Variants in LRCH1 observed in about 807,000 individuals in gnomAD.
LRCH1 encodes the protein leucine-rich repeat and calponin homology domain-containing protein 1.
LRCH1 carries 23 observed loss-of-function variants against 94.9 expected under a neutral mutation model. That is an observed-to-expected ratio of 0.24 (90% CI 0.17 to 0.34). The LOEUF (loss-of-function observed/expected upper bound fraction) is 0.34, where lower values mean the gene tolerates loss of function less well. Among genes scored for constraint, LRCH1 ranks in the 10% least tolerant of loss-of-function variants. The probability of loss-of-function intolerance (pLI) is 1.00; values close to 1 mark genes in which losing one functional copy is unlikely to be tolerated. For synonymous variants in LRCH1, 364 were observed against 354.9 expected (o/e 1.03, Z -0.29); for missense variants, 790 against 945.9 (o/e 0.84, Z 2.16).
chr13:46,664,456 T>TG (rs1231810972), intron 2 of LRCH1, among the ~76,000 whole-genome samples: 2 of 152,224 alleles, frequency 1.3e-5, no homozygotes, highest in African/African-American at 4.8e-5. Context: ...CACAGTTGCC[T>TG]ACAGTATTCA....
intron 1 of LRCH1, among the ~76,000 whole-genome samples, chr13:46,611,595 A>G (rs915023327): frequency 1.6e-4 from 25 of 152,358 alleles, no homozygotes; most frequent in Admixed American, 7.2e-4. Flanking sequence ...TTTCATCTCT[A>G]AAGTTTATGA....
At chr13:46,726,001 A>G (rs1358948956) in intron 17 of LRCH1, among the ~76,000 whole-genome samples, 1 of 152,254 alleles carries the variant, frequency 6.6e-6, no homozygotes, top group Non-Finnish European at 1.5e-5. Flanking sequence ...TTGTCCACAC[A>G]CAGGACAGTT....
At chr13:46,605,039 G>A (rs762832977) in intron 1 of LRCH1, among the ~76,000 whole-genome samples, 8 of 152,294 alleles carry the variant, frequency 5.3e-5, no homozygotes, top group Middle Eastern at 3.4e-3. Context: ...TAAAGAAATT[G>A]ACCCATTAAT....
At chr13:46,657,429 T>G (rs938563627) in intron 2 of LRCH1, among the ~76,000 whole-genome samples, 8 of 148,834 alleles carry the variant, frequency 5.4e-5, no homozygotes, top group Non-Finnish European at 4.5e-5. Context: ...AAGGTGTGGA[T>G]TTTGGGGATC....
chr13:46,562,460 T>C (rs973605621), intron 1 of LRCH1, among the ~76,000 whole-genome samples: 54 of 152,282 alleles, frequency 3.5e-4, no homozygotes, highest in African/African-American at 1.3e-3. Context: ...AAATCCTTGT[T>C]GTCCCTTCCT....
At position 46,692,386 on chromosome 13, in the gene LRCH1, T is replaced by A. The variant is rs536029706; in HGVS notation, c.1015-150T>A. On this transcript the variant is annotated intron_variant, in intron 7 of 19. Transcript: ENST00000389797. Reference sequence around the variant, plus strand: ...GGATTAGTTTTGCATTTTTTGAACTTACATAAGTGGAATTGACCTTTGTAT... The same window carrying A: ...GGATTAGTTTTGCATTTTTTGAACTAACATAAGTGGAATTGACCTTTGTAT... 1.7e-4 allele frequency: 97 copies of A among 569,104 alleles called. 1 individual carries two copies. The highest frequency in any genetic ancestry group is 1.3e-4 in the Admixed American group (4 of 31,514). The allele number at this position is 569,104 out of a possible 1,614,324, so 35.3% of individuals were successfully genotyped here.
intron 3 of LRCH1, among the ~76,000 whole-genome samples, chr13:46,677,147 C>T (rs9562676): frequency 0.5 from 75,241 of 151,634 alleles, 19,400 homozygotes; most frequent in Middle Eastern, 0.59. Context: ...CGGTGGCTCA[C>T]GCCTGTAATT....
chr13:46,568,009 G>C (rs1196493270), intron 1 of LRCH1, among the ~76,000 whole-genome samples: 1 of 152,144 alleles, frequency 6.6e-6, no homozygotes, highest in Non-Finnish European at 1.5e-5. Flanking sequence ...GTGCTTTCTT[G>C]TGTTTCTGTG....
chr13:46,713,632 G>T lies in LRCH1; in HGVS notation c.1654+1035G>T, dbSNP rs533465626. Reference sequence around the variant, plus strand: ...TGAGAAAGTGCTTGAGTGTGACAAGGGTTAGTGAGTGTTTTATGGAGAGCC... The same window carrying T: ...TGAGAAAGTGCTTGAGTGTGACAAGTGTTAGTGAGTGTTTTATGGAGAGCC... On this transcript the variant is annotated intron_variant, in intron 15 of 19. Transcript: ENST00000389797. Among the ~76,000 whole-genome samples, 15 of 152,324 alleles carry T rather than the reference G, an allele frequency of 9.8e-5. No homozygotes were observed. In the South Asian group the frequency reaches 2.9e-3, roughly 29 times the overall value.
chr13:46,593,283 C>CTTTTTTTTTTTT (rs34821427), intron 1 of LRCH1, among the ~76,000 whole-genome samples: 2 of 92,202 alleles, frequency 2.2e-5, no homozygotes, highest in Admixed American at 1.3e-4. Flanking sequence ...TCTTTCTTTC[C>CTTTTTTTTTTTT]TTTTTTTTTT....
chr13:46,682,180 A>G (rs1456485126), intron 4 of LRCH1, among the ~76,000 whole-genome samples: 3 of 151,936 alleles, frequency 2.0e-5, no homozygotes, highest in Non-Finnish European at 2.9e-5. Context: ...TCTTCTCACA[A>G]TTTTGGAGGC....
chr13:46,712,621 C>T (rs1389142518), intron 15 of LRCH1, 24 bp downstream of exon 15: 1 of 1,595,926 alleles, frequency 6.3e-7, no homozygotes. Context: ...TCAGCCCATT[C>T]TTACACTAAA....
intron 1 of LRCH1, among the ~76,000 whole-genome samples, chr13:46,627,125 T>A (rs951956827): frequency 3.3e-5 from 5 of 152,200 alleles, no homozygotes; most frequent in Non-Finnish European, 5.9e-5. Flanking sequence ...CTACTTGGAG[T>A]AATCATACTG....
intron 1 of LRCH1, among the ~76,000 whole-genome samples, chr13:46,556,517 G>A (rs146369195): frequency 6.6e-6 from 1 of 152,296 alleles, no homozygotes; most frequent in East Asian, 1.9e-4. Flanking sequence ...TGACACAGGT[G>A]TCACTGATGG....
At chr13:46,647,652 A>G (rs997441684) in intron 1 of LRCH1, among the ~76,000 whole-genome samples, 5 of 152,170 alleles carry the variant, frequency 3.3e-5, no homozygotes, top group African/African-American at 7.2e-5. Flanking sequence ...CTGGCTTTAT[A>G]CTATTCATAC....
At chr13:46,689,598 T>C (rs932085121) in intron 7 of LRCH1, among the ~76,000 whole-genome samples, 5 of 152,188 alleles carry the variant, frequency 3.3e-5, no homozygotes, top group African/African-American at 1.2e-4. Flanking sequence ...TACATATGCG[T>C]AAATGTTAAG....
intron 4 of LRCH1, among the ~76,000 whole-genome samples, chr13:46,682,990 A>G (rs1338152665): frequency 1.3e-5 from 2 of 152,210 alleles, no homozygotes; most frequent in South Asian, 2.1e-4. Flanking sequence ...GGAACCCTGA[A>G]TGCTTTCTCC....
At chr13:46,614,380 A>G (rs995769263) in intron 1 of LRCH1, among the ~76,000 whole-genome samples, 1 of 152,176 alleles carries the variant, frequency 6.6e-6, no homozygotes, top group Non-Finnish European at 1.5e-5. Context: ...GAGAAAGATT[A>G]GGAGAAAGAA....
chr13:46,625,065 C>T (rs966838765), intron 1 of LRCH1, among the ~76,000 whole-genome samples: 2 of 152,250 alleles, frequency 1.3e-5, no homozygotes, highest in Non-Finnish European at 2.9e-5. Context: ...GTTAACCATA[C>T]CTACCTATGT....
Sources: gnomAD v4.1 joint callset for allele counts (sites outside exome capture counted in the v4.1 genomes callset) on GRCh38, gnomAD v4.1.1 for gene constraint, MANE v1.5 for transcripts, NCBI Gene and HGNC (gene_info 2026-07-23, HGNC 2026-07-21) for gene names.